Variants in EYS observed in about 807,000 individuals in gnomAD.
The protein encoded by EYS is protein eyes shut homolog.
EYS carries 250 observed loss-of-function variants against 282.1 expected under a neutral mutation model. That is an observed-to-expected ratio of 0.89 (90% confidence interval 0.80 to 0.98). EYS has a LOEUF of 0.98. Among genes scored for constraint, EYS ranks in the 50% least tolerant of loss-of-function variants. The pLI is 0.00. For missense variants in EYS, 4,016 were observed against 3,709.0 expected (o/e 1.08, Z -2.15); for synonymous variants, 1,355 against 1,282.9 (o/e 1.06, Z -1.20).
chr6:64,754,845 A>G (rs538964033), intron 22 of EYS, among the ~76,000 whole-genome samples: 9 of 152,148 alleles, frequency 5.9e-5, no homozygotes, highest in Non-Finnish European at 1.3e-4. Context: ...TACTGAATGG[A>G]GAAAAGTTAA....
At chr6:63,893,589 A>G (rs191796493) in intron 35 of EYS, among the ~76,000 whole-genome samples, 1 of 152,086 alleles carries the variant, frequency 6.6e-6, no homozygotes, top group Non-Finnish European at 1.5e-5. Flanking sequence ...GTTGGGGGGC[A>G]AGGGGAGGGA....
At chr6:64,276,249 T>C (rs997995887) in intron 30 of EYS, among the ~76,000 whole-genome samples, 1 of 152,208 alleles carries the variant, frequency 6.6e-6, no homozygotes, top group African/African-American at 2.4e-5. Context: ...TCAACCAATA[T>C]AATTTTGTAC....
intron 1 of EYS, among the ~76,000 whole-genome samples, chr6:65,655,888 T>A (rs1299884583): frequency 1.3e-5 from 2 of 151,894 alleles, no homozygotes; most frequent in Non-Finnish European, 2.9e-5. Flanking sequence ...GAGAAAGCAG[T>A]GGCAGGGTTT....
chr6:64,660,682 G>T lies in EYS; in HGVS notation c.3444-34437C>A, dbSNP rs1034933598. Among the ~76,000 whole-genome samples, 60 of 152,230 alleles carry T rather than the reference G, an allele frequency of 3.9e-4. 1 individual carries two copies. Among genetic ancestry groups the T allele is most frequent in the South Asian group, 3.3e-3 (16 of 4,806 alleles). ...ATACCTAGGAATCCAATTTACAAGG[G>T]ATGTGAAGGACCTCTTCAAGGAGAA... On this transcript the variant is annotated intron_variant, in intron 22 of 42. Coordinates refer to ENST00000503581, the MANE Select transcript of EYS (RefSeq NM_001142800.2).
rs890946278 is a variant in EYS at position 65,442,781 on chromosome 6, TA to T, written c.863-37415del. Among the ~76,000 whole-genome samples, 269 of 100,070 alleles carry T rather than the reference TA, an allele frequency of 2.7e-3. 27 individuals are homozygous for T. The highest frequency in any genetic ancestry group is 4.9e-3 in the Admixed American group (39 of 7,982). The allele number at this position is 100,070 out of a possible 152,430, so 65.6% of individuals were successfully genotyped here. On this transcript the variant is annotated intron_variant, in intron 5 of 42. Transcript: ENST00000503581. ...AAAATAAAAATAAAAAATAAAAAATTAAAAAAAAATATATAGACACACACAC... is the reference window on the plus strand; with the variant it reads ...AAAATAAAAATAAAAAATAAAAAATTAAAAAAAATATATAGACACACACAC...
intron 26 of EYS, among the ~76,000 whole-genome samples, chr6:64,520,617 T>C (rs1410275854): frequency 6.6e-6 from 1 of 151,514 alleles, no homozygotes; most frequent in Non-Finnish European, 1.5e-5. Context: ...GACTTGAGAA[T>C]GACAAAAAAA....
rs762212630 is a variant in EYS at position 64,886,797 on chromosome 6, T to G, written c.2892A>C (p.Glu964Asp). The G allele has an allele frequency of 1.6e-5, 24 of 1,546,740 alleles. No individual in the cohort carries two copies. The East Asian group carries it at 4.7e-4, about 30-fold the overall frequency. The change falls in exon 19 of 43, where the codon GAA (glutamate) becomes GAC (aspartate). Residue 964 changes from glutamate (E) to aspartate (D), a missense_variant. By Grantham distance (45) the Glu-to-Asp change is conservative (BLOSUM62 2). Coordinates refer to ENST00000503581, the MANE Select transcript of EYS (RefSeq NM_001142800.2). ...CEPEYHGPFC[E>D]LDVNKCKISP... ...AGATTTTACATTTATTTACATCAAG[T>G]TCACAGAAGGGCCCATGGTACTCAG...
intron 35 of EYS, among the ~76,000 whole-genome samples, chr6:63,896,215 A>G (rs1381320827): frequency 6.6e-6 from 1 of 152,168 alleles, no homozygotes. Context: ...TTCTGGATCT[A>G]TCTCTTGAGT....
intron 30 of EYS, among the ~76,000 whole-genome samples, chr6:64,252,896 C>T (rs982023517): frequency 2.0e-5 from 3 of 152,084 alleles, no homozygotes; most frequent in Non-Finnish European, 4.4e-5. Flanking sequence ...GTGATTTTAT[C>T]TATTTCTTCA....
At chr6:64,158,943 G>T (rs1267774809) in intron 31 of EYS, among the ~76,000 whole-genome samples, 1 of 152,128 alleles carries the variant, frequency 6.6e-6, no homozygotes, top group Non-Finnish European at 1.5e-5. Flanking sequence ...GAATAGTGTT[G>T]GGTGTTGTGG....
At chr6:63,877,067 T>C (rs960161313) in intron 35 of EYS, among the ~76,000 whole-genome samples, 1 of 152,208 alleles carries the variant, frequency 6.6e-6, no homozygotes, top group Non-Finnish European at 1.5e-5. Context: ...CTAGCCTTGA[T>C]GGTCTTTACA....
At chr6:64,146,053 C>T (rs915813617) in intron 31 of EYS, among the ~76,000 whole-genome samples, 1 of 152,060 alleles carries the variant, frequency 6.6e-6, no homozygotes, top group Non-Finnish European at 1.5e-5. Flanking sequence ...TCTTCTGTCA[C>T]AGTTTTCCTC....
At chr6:64,418,413 T>A (rs1774127694) in intron 28 of EYS, among the ~76,000 whole-genome samples, 1 of 151,784 alleles carries the variant, frequency 6.6e-6, no homozygotes, top group Non-Finnish European at 1.5e-5. Flanking sequence ...CTAAAGTGAG[T>A]TTTTTCTTGC....
chr6:65,317,202 G>A (rs1412348857), intron 11 of EYS, among the ~76,000 whole-genome samples: 1 of 152,054 alleles, frequency 6.6e-6, no homozygotes. Flanking sequence ...GCTAAACCTA[G>A]ATCTTTGTGG....
At chr6:64,882,728 C>T (rs1390649162) in intron 19 of EYS, among the ~76,000 whole-genome samples, 1 of 151,312 alleles carries the variant, frequency 6.6e-6, no homozygotes, top group Non-Finnish European at 1.5e-5. Context: ...CTTTTATTTC[C>T]CATTCAATTA....
intron 22 of EYS, among the ~76,000 whole-genome samples, chr6:64,712,009 G>T (rs1771230741): frequency 6.6e-6 from 1 of 152,208 alleles, no homozygotes; most frequent in Non-Finnish European, 1.5e-5. Context: ...TAAGAGGAAA[G>T]TGCACCGAAC....
At chr6:65,106,773 A>C (rs1423225899) in intron 12 of EYS, among the ~76,000 whole-genome samples, 2 of 152,054 alleles carry the variant, frequency 1.3e-5, no homozygotes, top group Non-Finnish European at 2.9e-5. Context: ...ATAGACCTAC[A>C]TAGGTCTTTA....
chr6:64,406,031 G>A (rs545618166), intron 28 of EYS, among the ~76,000 whole-genome samples: 103 of 152,192 alleles, frequency 6.8e-4, no homozygotes, highest in Non-Finnish European at 1.1e-3. Context: ...AATAAAGCTG[G>A]AGGCATCACA....
chr6:64,569,151 C>T (rs961009086), intron 26 of EYS, among the ~76,000 whole-genome samples: 52 of 150,856 alleles, frequency 3.4e-4, no homozygotes, highest in African/African-American at 1.2e-3. Context: ...CTTAGATGAA[C>T]TGACAGAAGT....
Sources: allele counts gnomAD v4.1 joint callset (sites outside exome capture counted in the v4.1 genomes callset), GRCh38; gene constraint gnomAD v4.1.1; transcripts MANE v1.5; gene names NCBI Gene and HGNC (gene_info 2026-07-23, HGNC 2026-07-21).